The following COL22A1 variants were observed in gnomAD, a reference collection of about 807,000 sequenced individuals.
The protein encoded by COL22A1 is collagen type XXII alpha 1 chain, also known as collagen alpha-1(XXII) chain.
COL22A1 carries 221 observed loss-of-function variants against 248.9 expected under a neutral mutation model. That is an observed-to-expected ratio of 0.89 (90% CI 0.80 to 0.99). COL22A1 has a LOEUF of 0.99. Ranked by LOEUF, COL22A1 falls within the 50% of genes least tolerant of loss-of-function variation. The probability of loss-of-function intolerance (pLI) is 0.00; values close to 1 mark genes in which losing one functional copy is unlikely to be tolerated. For synonymous variants in COL22A1, 891 were observed against 793.4 expected, an observed-to-expected ratio of 1.12 and a Z score of -2.07; for missense variants, 2,240 against 2,179.0, an observed-to-expected ratio of 1.03 and a Z score of -0.56.
chr8:138,866,599 T>C (rs1269625701), intron 3 of COL22A1, among the ~76,000 whole-genome samples: 1 of 152,226 alleles, frequency 6.6e-6, no homozygotes, highest in East Asian at 1.9e-4. Flanking sequence ...GGCATGACCC[T>C]AGTCAATGAG....
chr8:138,601,477 A>T (rs1818004002), intron 60 of COL22A1, among the ~76,000 whole-genome samples: 1 of 152,160 alleles, frequency 6.6e-6, no homozygotes, highest in African/African-American at 2.4e-5. Context: ...GTCGTGCAAC[A>T]GTGTGACAGC....
intron 12 of COL22A1, among the ~76,000 whole-genome samples, chr8:138,791,495 A>G (rs975940350): frequency 1.3e-5 from 2 of 152,246 alleles, no homozygotes; most frequent in Non-Finnish European, 2.9e-5. Flanking sequence ...CAAACGGGAC[A>G]GTGTATGTAA....
chr8:138,670,028 AG>A (rs1042169722), intron 41 of COL22A1, among the ~76,000 whole-genome samples: 6 of 151,928 alleles, frequency 3.9e-5, no homozygotes, highest in African/African-American at 1.5e-4. Context: ...CTGGGATTAC[AG>A]GCACCCACCA....
chr8:138,673,840 C>T (rs777060233), intron 41 of COL22A1, among the ~76,000 whole-genome samples: 87 of 152,256 alleles, frequency 5.7e-4, no homozygotes, highest in South Asian at 1.0e-3. Flanking sequence ...ATTGGCCCAA[C>T]CACAGGGAAG....
At chr8:138,647,838 A>G (rs1041507274) in intron 46 of COL22A1, among the ~76,000 whole-genome samples, 3 of 152,206 alleles carry the variant, frequency 2.0e-5, no homozygotes, top group African/African-American at 7.2e-5. Context: ...ACTGTGGTAG[A>G]AAGGTCTGGA....
chr8:138,690,452 T>A (rs1282849938), intron 36 of COL22A1, among the ~76,000 whole-genome samples: 1 of 152,148 alleles, frequency 6.6e-6, no homozygotes, highest in Non-Finnish European at 1.5e-5. Flanking sequence ...GATGGTCATG[T>A]CAATTAATAA....
At chr8:138,797,792 T>A (rs1197197845) in intron 11 of COL22A1, among the ~76,000 whole-genome samples, 4 of 152,160 alleles carry the variant, frequency 2.6e-5, no homozygotes. Context: ...GTTGATTGGT[T>A]TTTCATTCCT....
chr8:138,900,909 A>G (rs1814501411), intron 1 of COL22A1, among the ~76,000 whole-genome samples: 1 of 152,210 alleles, frequency 6.6e-6, no homozygotes, highest in Non-Finnish European at 1.5e-5. Flanking sequence ...TGAACACAAA[A>G]AAAGCAGGGT....
intron 64 of COL22A1, among the ~76,000 whole-genome samples, 194 bp from the exon 65 acceptor site, chr8:138,589,634 T>C (rs75622841): frequency 0.018 from 2,756 of 152,254 alleles, 67 homozygotes; most frequent in African/African-American, 0.059. Flanking sequence ...CACCTCAATA[T>C]GTAGAAGAAG....
chr8:138,619,398 G>A, intron 53 of COL22A1, 57 bp downstream of exon 53: 1 of 1,520,578 alleles, frequency 6.6e-7, no homozygotes, highest in South Asian at 1.1e-5. Flanking sequence ...ACAGTGGTGA[G>A]AGCCATGTAG....
At chr8:138,906,194 C>A (rs1294827793) in intron 1 of COL22A1, among the ~76,000 whole-genome samples, 1 of 152,088 alleles carries the variant, frequency 6.6e-6, no homozygotes, top group Non-Finnish European at 1.5e-5. Context: ...CACGGTGAAA[C>A]CCCGTCTCTA....
At chr8:138,609,888 C>T (rs907309194) in intron 56 of COL22A1, among the ~76,000 whole-genome samples, 5 of 152,190 alleles carry the variant, frequency 3.3e-5, no homozygotes, top group African/African-American at 1.2e-4. Context: ...AGAGCCACTC[C>T]TGTGTCCTGC....
chr8:138,772,274 GA>G lies in COL22A1; in HGVS notation c.1803+3691del, dbSNP rs1333471058. 9.2e-5 allele frequency among the ~76,000 whole-genome samples: 14 copies of G among 152,358 alleles called. No homozygotes were observed. The East Asian group carries it at 2.7e-3, about 29-fold the overall frequency. ...TGCTGCAGGTACCAGCTCACGCAGG[GA>G]AGACCCAGAGGTGAATAAGGTGCGT... is the stretch of plus-strand genomic sequence containing the variant. On this transcript the variant is annotated intron_variant, in intron 16 of 64. Coordinates refer to ENST00000303045, the MANE Select transcript of COL22A1 (RefSeq NM_152888.3).
intron 22 of COL22A1, among the ~76,000 whole-genome samples, chr8:138,747,670 C>T (rs1010340889): frequency 8.5e-5 from 13 of 152,158 alleles, no homozygotes; most frequent in African/African-American, 2.9e-4. Flanking sequence ...GTCTTTCCCC[C>T]GGCCTGCCAG....
At chr8:138,689,868 T>C (rs1236661845) in intron 36 of COL22A1, among the ~76,000 whole-genome samples, 1 of 152,190 alleles carries the variant, frequency 6.6e-6, no homozygotes, top group East Asian at 1.9e-4. Context: ...ATCTGAGCTA[T>C]TCTGCTGGTG....
At chr8:138,643,505 C>T (rs368717845) in intron 47 of COL22A1, among the ~76,000 whole-genome samples, 1 of 152,098 alleles carries the variant, frequency 6.6e-6, no homozygotes, top group Non-Finnish European at 1.5e-5. Flanking sequence ...ACAGTGCCAA[C>T]ACCCTTTTCC....
intron 4 of COL22A1, among the ~76,000 whole-genome samples, chr8:138,837,643 G>T (rs1820537522): frequency 1.3e-5 from 2 of 152,206 alleles, no homozygotes; most frequent in Admixed American, 1.3e-4. Flanking sequence ...CTGTATTGGG[G>T]CCTCTGTGTC....
At chr8:138,684,541 G>A (rs1826198663) in intron 38 of COL22A1, 72 bp from the exon 39 acceptor site, 3 of 1,054,452 alleles carry the variant, frequency 2.8e-6, no homozygotes, top group Admixed American at 1.7e-5. Flanking sequence ...CACGTGCCAG[G>A]CTGACTGCAT....
At chr8:138,730,346 T>A (rs1830617042) in intron 23 of COL22A1, among the ~76,000 whole-genome samples, 3 of 152,072 alleles carry the variant, frequency 2.0e-5, no homozygotes, top group Admixed American at 1.3e-4. Context: ...TGGAAGAAGT[T>A]ATCCCTGGAG....
Sources: allele counts gnomAD v4.1 joint callset (sites outside exome capture counted in the v4.1 genomes callset), GRCh38; gene constraint gnomAD v4.1.1; transcripts MANE v1.5; gene names NCBI Gene and HGNC (gene_info 2026-07-23, HGNC 2026-07-21).